DNAH9: variants seen among roughly 807,000 people sequenced by gnomAD.
DNAH9 encodes dynein axonemal heavy chain 9.
In DNAH9, 345 loss-of-function variants were observed where a neutral mutation model predicts 471.6. The ratio of observed to expected loss-of-function variants is 0.73; its 90% CI spans 0.67 to 0.80. The LOEUF (loss-of-function observed/expected upper bound fraction) is 0.80. Ranked by LOEUF, DNAH9 falls within the 30% of genes least tolerant of loss-of-function variation. The probability of loss-of-function intolerance (pLI) is 0.00; values close to 1 mark genes in which losing one functional copy is unlikely to be tolerated. For synonymous variants in DNAH9, 2,093 were observed against 2,123.6 expected (o/e 0.99, Z 0.40); for missense variants, 5,407 against 5,609.2 (o/e 0.96, Z 1.15).
intron 12 of DNAH9, among the ~76,000 whole-genome samples, chr17:11,648,050 A>G (rs1393572009): frequency 6.6e-6 from 1 of 152,230 alleles, no homozygotes; most frequent in African/African-American, 2.4e-5. Flanking sequence ...CGTAGCAGCC[A>G]CAGAAAGTTT....
At chr17:11,685,076 C>A (rs1338723360) in intron 19 of DNAH9, among the ~76,000 whole-genome samples, 3 of 152,112 alleles carry the variant, frequency 2.0e-5, no homozygotes, top group Non-Finnish European at 4.4e-5. Flanking sequence ...GATAATACAC[C>A]TTTCCTGACC....
intron 58 of DNAH9, among the ~76,000 whole-genome samples, chr17:11,893,786 G>A (rs1341230205): frequency 6.6e-6 from 1 of 152,178 alleles, no homozygotes. Context: ...CTAGATGACA[G>A]GTTGACAGGT....
chr17:11,963,656 G>GA (rs753851635), intron 68 of DNAH9, among the ~76,000 whole-genome samples: 57 of 146,114 alleles, frequency 3.9e-4, no homozygotes, highest in Non-Finnish European at 7.6e-4. Flanking sequence ...TCTAAGAGTT[G>GA]AAATTTTTTT....
chr17:11,682,506 GC>G (rs1282902573), intron 19 of DNAH9, among the ~76,000 whole-genome samples: 10 of 150,380 alleles, frequency 6.6e-5, no homozygotes, highest in African/African-American at 2.4e-4. Flanking sequence ...TTAAGCAGCT[GC>G]TATCTCCCAA....
chr17:11,679,936 C>T lies in DNAH9; in HGVS notation c.3533C>T (p.Thr1178Ile), dbSNP rs963324432. 1.9e-6 allele frequency: 3 copies of T among 1,614,030 alleles called. No homozygotes were observed. Among genetic ancestry groups the T allele is most frequent in the Admixed American group, 1.7e-5 (1 of 60,004 alleles). The stretch of plus-strand genomic sequence containing the variant: ...AAGCAGACTATTGAATTGCTGAAGA[C>T]CTATGAACAAGAATTGCCAGAAACA... ...PLKQTIELLK[T>I]YEQELPETVF... The change falls in exon 18 of 69, where the codon ACC becomes ATC. Residue 1178 changes from threonine to isoleucine, a missense_variant. This residue lies in a region of DNAH9 where 4,636 missense variants were observed against 4,900.3 expected (regional missense o/e 0.95). Transcript: ENST00000262442.
At chr17:11,806,107 T>C (rs1969671128) in intron 43 of DNAH9, among the ~76,000 whole-genome samples, 1 of 152,220 alleles carries the variant, frequency 6.6e-6, no homozygotes, top group South Asian at 2.1e-4. Flanking sequence ...AACATTTCTC[T>C]AAAGCAGCTT....
intron 38 of DNAH9, among the ~76,000 whole-genome samples, chr17:11,770,195 C>T (rs997860078): frequency 2.0e-5 from 3 of 152,200 alleles, no homozygotes; most frequent in Non-Finnish European, 2.9e-5. Context: ...CTGGCACTCT[C>T]GTTATCCGCT....
Position 11,672,021 on chromosome 17 carries a change from A to C in DNAH9, c.3353+2227A>C, listed in dbSNP as rs367881252. Among the ~76,000 whole-genome samples the C allele has an allele frequency of 2.1e-4, 32 of 152,288 alleles. No homozygotes were observed. The South Asian group carries it at 2.3e-3, about 11-fold the overall frequency. On this transcript the variant is annotated intron_variant, in intron 17 of 68. Coordinates refer to ENST00000262442, the MANE Select transcript of DNAH9 (RefSeq NM_001372.4). ...GTGTTACACTTTAGAAGAAGATTTT[A>C]TTGTATTCTGGAGGATTCGATAAAA...
At chr17:11,834,929 C>T (rs1970798609) in intron 49 of DNAH9, 31 bp downstream of exon 49, 1 of 1,602,496 alleles carries the variant, frequency 6.2e-7, no homozygotes, top group African/African-American at 1.3e-5. Context: ...ACCTGCTCAT[C>T]CCTCAGGGGC....
intron 49 of DNAH9, among the ~76,000 whole-genome samples, chr17:11,841,032 C>T (rs1330023632): frequency 6.6e-6 from 1 of 152,124 alleles, no homozygotes; most frequent in African/African-American, 2.4e-5. Flanking sequence ...TACATTCTGC[C>T]AAGTTTCTAT....
intron 6 of DNAH9, among the ~76,000 whole-genome samples, chr17:11,621,077 G>A (rs540735290): frequency 6.6e-6 from 1 of 152,180 alleles, no homozygotes; most frequent in African/African-American, 2.4e-5. Context: ...ATGAAATACA[G>A]ACTTAAACGG....
chr17:11,852,661 A>G (rs1597734800), intron 49 of DNAH9, among the ~76,000 whole-genome samples: 2 of 151,692 alleles, frequency 1.3e-5, no homozygotes, highest in East Asian at 3.9e-4. Context: ...GATCCTGAGC[A>G]GGGAGAATGC....
intron 6 of DNAH9, among the ~76,000 whole-genome samples, chr17:11,622,640 A>G (rs1251340435): frequency 6.6e-6 from 1 of 152,192 alleles, no homozygotes; most frequent in Non-Finnish European, 1.5e-5. Context: ...ACACATGCTA[A>G]TGATTTGACT....
intron 19 of DNAH9, 43 bp downstream of exon 19, chr17:11,680,932 A>G (rs2074123359): frequency 6.5e-7 from 1 of 1,531,448 alleles, no homozygotes; most frequent in Non-Finnish European, 8.9e-7. Flanking sequence ...TGAACACTGC[A>G]GTCTTTGAGT....
At chr17:11,879,499 T>G (rs1040904418) in intron 53 of DNAH9, among the ~76,000 whole-genome samples, 1 of 152,164 alleles carries the variant, frequency 6.6e-6, no homozygotes, top group Non-Finnish European at 1.5e-5. Flanking sequence ...TTATTGTTAT[T>G]CTTTGTTTGA....
At chr17:11,853,605 C>T (rs1308319593) in intron 49 of DNAH9, among the ~76,000 whole-genome samples, 1 of 152,154 alleles carries the variant, frequency 6.6e-6, no homozygotes, top group African/African-American at 2.4e-5. Flanking sequence ...AAAAAAATTA[C>T]TTGGGTTACA....
At chr17:11,602,510 A>G (rs1015722649) in intron 1 of DNAH9, among the ~76,000 whole-genome samples, 2 of 152,116 alleles carry the variant, frequency 1.3e-5, no homozygotes, top group Admixed American at 6.5e-5. Context: ...CTCTAGATCC[A>G]CATCAAAAAG....
At chr17:11,909,242 A>G (rs1973708616) in intron 61 of DNAH9, among the ~76,000 whole-genome samples, 1 of 152,168 alleles carries the variant, frequency 6.6e-6, no homozygotes, top group Admixed American at 6.5e-5. Flanking sequence ...GCCAGTTCTT[A>G]GAGATCACAA....
Position 11,875,706 on chromosome 17 carries a change from A to G in DNAH9, c.10478+522A>G, listed in dbSNP as rs116529084. 9.1e-3 allele frequency: 1,411 copies of G among 154,248 alleles called. 26 individuals are homozygous for G. Among genetic ancestry groups the G allele is most frequent in the African/African-American group, 0.032 (1,336 of 41,558 alleles). 9.6% of individuals were successfully genotyped at this position (154,248 alleles called of 1,614,324 possible). On this transcript the variant is annotated intron_variant, in intron 53 of 68. Coordinates refer to ENST00000262442, the MANE Select transcript of DNAH9 (RefSeq NM_001372.4). The stretch of plus-strand genomic sequence containing the variant: ...CTTCAGAGCCCTTGGTACCTGCCAT[A>G]TGGCTTCGTACTTACCTGTGGGAAA...
Sources: allele counts gnomAD v4.1 joint callset (sites outside exome capture counted in the v4.1 genomes callset), GRCh38; gene constraint gnomAD v4.1.1; regional missense constraint gnomAD v4.1.1; transcripts MANE v1.5; gene names NCBI Gene and HGNC (gene_info 2026-07-23, HGNC 2026-07-21).